SRPK2: variants seen among roughly 807,000 people sequenced by gnomAD.
The protein encoded by SRPK2 is SFRS protein kinase 2.
Under a neutral mutation model 90.8 loss-of-function variants are expected in SRPK2, and 21 were observed. The ratio of observed to expected loss-of-function variants is 0.23; its 90% CI spans 0.16 to 0.33. SRPK2 has a LOEUF of 0.33. Ranked by LOEUF, SRPK2 falls within the 10% of genes least tolerant of loss-of-function variation. The pLI is 1.00. For missense variants in SRPK2, 620 were observed against 869.0 expected, an observed-to-expected ratio of 0.71 and a Z score of 3.60; for synonymous variants, 288 against 311.1, an observed-to-expected ratio of 0.93 and a Z score of 0.78.
Position 105,244,622 on chromosome 7 carries a change from C to T in SRPK2, c.72-40837G>A, listed in dbSNP as rs944382276. 2.5e-5 allele frequency: 17 copies of T among 693,378 alleles called. No individual in the cohort carries two copies. In the African/African-American group the frequency reaches 2.7e-4, roughly 11 times the overall value. 43.0% of individuals were successfully genotyped at this position (693,378 alleles called of 1,614,324 possible). On this transcript the variant is annotated intron_variant, in intron 2 of 15. Coordinates refer to ENST00000393651, the MANE Select transcript of SRPK2 (RefSeq NM_182692.3). ...GTTCCACGCGGCGCCAGCCCCAGCGCGCCAGGGCCGCCTTTGGAGAGCAGC... is the reference window on the plus strand; with the variant it reads ...GTTCCACGCGGCGCCAGCCCCAGCGTGCCAGGGCCGCCTTTGGAGAGCAGC...
intron 2 of SRPK2, among the ~76,000 whole-genome samples, chr7:105,349,179 G>A (rs1181209842): frequency 6.8e-6 from 1 of 146,156 alleles, no homozygotes; most frequent in African/African-American, 2.5e-5. Flanking sequence ...GGGAGGGGAG[G>A]GGAGGGGATG....
At chr7:105,209,272 G>A (rs537819845) in intron 2 of SRPK2, among the ~76,000 whole-genome samples, 15 of 152,216 alleles carry the variant, frequency 9.9e-5, no homozygotes, top group East Asian at 3.9e-4. Context: ...ACTTCAGGCC[G>A]GGTGCAGTGG....
At chr7:105,170,185 T>C (rs1399433709) in intron 3 of SRPK2, among the ~76,000 whole-genome samples, 1 of 152,180 alleles carries the variant, frequency 6.6e-6, no homozygotes, top group East Asian at 1.9e-4. Flanking sequence ...AGACTTTTTT[T>C]CTCCTAAACA....
At chr7:105,195,453 G>A (rs1359308187) in intron 3 of SRPK2, among the ~76,000 whole-genome samples, 3 of 152,334 alleles carry the variant, frequency 2.0e-5, no homozygotes, top group African/African-American at 7.2e-5. Context: ...ATATTTTGAA[G>A]TGATGCTTTA....
chr7:105,273,172 G>T lies in SRPK2; in HGVS notation c.72-69387C>A, dbSNP rs538708133. 6.3e-4 allele frequency among the ~76,000 whole-genome samples: 95 copies of T among 151,198 alleles called. 2 individuals are homozygous for T. Among genetic ancestry groups the T allele is most frequent in the African/African-American group, 2.2e-3 (92 of 41,242 alleles). On this transcript the variant is annotated intron_variant, in intron 2 of 15. Coordinates refer to ENST00000393651, the MANE Select transcript of SRPK2 (RefSeq NM_182692.3). Reference sequence around the variant, plus strand: ...GGAGGTTGCAGTGAGCAGAGATCGCGCCACTGCACTCCAACCTGGGTGACA... The same window carrying T: ...GGAGGTTGCAGTGAGCAGAGATCGCTCCACTGCACTCCAACCTGGGTGACA...
chr7:105,186,397 C>T (rs1448169254), intron 3 of SRPK2, among the ~76,000 whole-genome samples: 1 of 152,166 alleles, frequency 6.6e-6, no homozygotes, highest in Non-Finnish European at 1.5e-5. Flanking sequence ...ATCTTTAAGT[C>T]CATGTGTGCC....
In SRPK2 at chr7:105,340,378, T is replaced by C. The variant is rs140386021; in HGVS notation, c.71+48270A>G. 7.4e-3 allele frequency among the ~76,000 whole-genome samples: 1,112 copies of C among 150,234 alleles called. 8 individuals carry two copies. The highest frequency in any genetic ancestry group is 0.014 in the Non-Finnish European group (955 of 67,598). On this transcript the variant is annotated intron_variant, in intron 2 of 15. Transcript: ENST00000393651. ...AATTATGGTTATGCAAAGTAAAATA[T>C]ACAACATTTTCTTTTCTCTCCTTTT...
At chr7:105,162,947 G>T (rs1007176338) in intron 6 of SRPK2, among the ~76,000 whole-genome samples, 7 of 152,208 alleles carry the variant, frequency 4.6e-5, no homozygotes, top group African/African-American at 1.7e-4. Context: ...GGACACAGAA[G>T]AAGTGAGTGC....
rs532224679 is a variant in SRPK2, at chr7:105,222,196, T to C, written c.72-18411A>G. ...AGTAAAACTGCCAGATCAAAGATTA[T>C]ACACATTTTAAAACCAAACATAATG... On this transcript the variant is annotated intron_variant, in intron 2 of 15. Coordinates refer to ENST00000393651, the MANE Select transcript of SRPK2 (RefSeq NM_182692.3). Among the ~76,000 whole-genome samples the C allele has an allele frequency of 1.5e-3, 233 of 152,338 alleles. 4 individuals carry two copies. The South Asian group carries it at 0.025, about 17-fold the overall frequency.
At chr7:105,288,228 C>T (rs554422871) in intron 2 of SRPK2, among the ~76,000 whole-genome samples, 5 of 152,290 alleles carry the variant, frequency 3.3e-5, no homozygotes, top group Admixed American at 2.0e-4. Flanking sequence ...TATTTCCACC[C>T]ATAGTAGGAT....
chr7:105,204,946 T>C, intron 2 of SRPK2: 1 of 334,796 alleles, frequency 3.0e-6, no homozygotes, highest in Non-Finnish European at 5.7e-6. Flanking sequence ...GAAGGCCGAT[T>C]CTGGATCCTT....
At chr7:105,142,963 G>T in intron 10 of SRPK2, 121 bp downstream of exon 10, 6 of 1,316,442 alleles carry the variant, frequency 4.6e-6, no homozygotes, top group Non-Finnish European at 6.2e-6. Flanking sequence ...ATAGGGAGTT[G>T]GAGAGAATCA....
intron 11 of SRPK2, among the ~76,000 whole-genome samples, chr7:105,133,428 C>T (rs937763190): frequency 1.3e-5 from 2 of 152,144 alleles, no homozygotes; most frequent in African/African-American, 4.8e-5. Context: ...AGCTTTGTGG[C>T]GGCTCTTCAT....
At chr7:105,137,098 G>C (rs1039130831) in intron 11 of SRPK2, among the ~76,000 whole-genome samples, 2 of 152,208 alleles carry the variant, frequency 1.3e-5, no homozygotes, top group African/African-American at 4.8e-5. Flanking sequence ...GGAGAGGTCT[G>C]AACAAAGGCA....
intron 3 of SRPK2, among the ~76,000 whole-genome samples, chr7:105,182,162 T>G (rs1201325002): frequency 7.6e-6 from 1 of 131,972 alleles, no homozygotes; most frequent in Non-Finnish European, 1.6e-5. Context: ...ACCCAGGAGG[T>G]GGAGGTTGCA....
intron 2 of SRPK2, among the ~76,000 whole-genome samples, chr7:105,333,830 C>T (rs912364675): frequency 2.0e-5 from 3 of 152,346 alleles, no homozygotes; most frequent in African/African-American, 7.2e-5. Flanking sequence ...AACTAATATA[C>T]TATATTTATA....
chr7:105,287,289 A>G (rs1808269773), intron 2 of SRPK2, among the ~76,000 whole-genome samples: 1 of 119,674 alleles, frequency 8.4e-6, no homozygotes, highest in African/African-American at 2.9e-5. Flanking sequence ...AAAAAAGAAG[A>G]AAAGGATGCA....
intron 2 of SRPK2, among the ~76,000 whole-genome samples, chr7:105,376,853 T>C (rs1173076557): frequency 1.5e-5 from 1 of 65,420 alleles, no homozygotes; most frequent in Non-Finnish European, 2.7e-5. Context: ...CCCCCCTTTT[T>C]TTTTTAATAA....
intron 1 of SRPK2, among the ~76,000 whole-genome samples, chr7:105,395,165 T>C (rs1402049298): frequency 1.3e-5 from 2 of 151,708 alleles, no homozygotes; most frequent in Non-Finnish European, 2.9e-5. Flanking sequence ...AGAGTGAGAC[T>C]CCATCTCAAA....
Sources: allele counts gnomAD v4.1 joint callset (sites outside exome capture counted in the v4.1 genomes callset), GRCh38; gene constraint gnomAD v4.1.1; transcripts MANE v1.5; gene names NCBI Gene and HGNC (gene_info 2026-07-23, HGNC 2026-07-21).